The following STAT6 variants were observed in gnomAD, a reference collection of about 807,000 sequenced individuals.
STAT6 encodes the protein STAT, interleukin4-induced.
A neutral mutation model predicts 106.3 loss-of-function variants in STAT6; 45 were observed. The observed-to-expected ratio is 0.42, with a 90% CI of 0.33 to 0.54. The LOEUF (loss-of-function observed/expected upper bound fraction) is 0.54. Ranked by LOEUF, STAT6 falls within the 20% of genes least tolerant of loss-of-function variation. The pLI is 0.06. For missense variants in STAT6, 797 were observed against 1,062.2 expected (o/e 0.75, Z 3.47); for synonymous variants, 413 against 413.6 (o/e 1.00, Z 0.02).
At chr12:57,108,388 C>A in intron 1 of STAT6, 89 bp from the exon 2 acceptor site, 1 of 699,924 alleles carries the variant, frequency 1.4e-6, no homozygotes, top group Non-Finnish European at 2.5e-6. Flanking sequence ...ATAGATAGCC[C>A]TCCTAGGGAC....
intron 1 of STAT6, among the ~76,000 whole-genome samples, chr12:57,109,567 G>C (rs1403572260): frequency 6.6e-6 from 1 of 152,112 alleles, no homozygotes; most frequent in Non-Finnish European, 1.5e-5. Context: ...GAGGAGACTT[G>C]AAGGAGGAGA....
rs2033688771 is a variant in STAT6, at chr12:57,099,671, C to G, written c.1744+96G>C. 3 of 1,531,182 alleles carry G rather than the reference C, an allele frequency of 2.0e-6. No homozygotes were observed. In the South Asian group the frequency reaches 3.6e-5, roughly 18 times the overall value. 94.8% of individuals were successfully genotyped at this position (1,531,182 alleles called of 1,614,324 possible). On this transcript the variant is annotated intron_variant, in intron 15 of 21. Coordinates refer to ENST00000300134, the MANE Select transcript of STAT6 (RefSeq NM_003153.5). This position sits in a 1 kb window ranked among gnomAD's most constrained non-coding sequence, Gnocchi z 4.7. ...GAAGCTGGAAGAACTTCCTGAAGAT[C>G]AGGATCGGCATCAGGAAGGTCAGGA...
chr12:57,099,776 C>G lies in STAT6; in HGVS notation c.1735G>C (p.Gly579Arg). The change falls in exon 15 of 22, where the codon GGC becomes CGC. Residue 579 changes from glycine to arginine, a missense_variant. This residue lies in a region of STAT6 where 222 missense variants were observed against 354.6 expected (regional missense o/e 0.63). Transcript: ENST00000300134. The surrounding 1 kb of genome is among the most constrained non-coding windows in gnomAD (Gnocchi z 4.7). ...GCTGGGGTGGCCTCACCATCCTGGC[C>G]CCGGATGACATGGGCAATGGTGATG... Reference protein sequence around the residue: ...GGITIAHVIRGQDGSPQIENI... With the variant: ...GGITIAHVIRRQDGSPQIENI... 6.2e-7 allele frequency: 1 copy of G among 1,613,666 alleles called. No individual in the cohort carries two copies. Among genetic ancestry groups the G allele is most frequent in the Non-Finnish European group, 8.5e-7 (1 of 1,179,854 alleles).
At chr12:57,097,270 A>G (rs868525543) in intron 19 of STAT6, 137 bp from the exon 20 acceptor site, 2 of 620,546 alleles carry the variant, frequency 3.2e-6, no homozygotes, top group South Asian at 3.7e-5. Context: ...AGCTATTTCT[A>G]TGCTCTGAGC....
intron 9 of STAT6, 86 bp downstream of exon 9, chr12:57,105,065 C>A (rs1328337310): frequency 1.4e-6 from 2 of 1,480,104 alleles, no homozygotes; most frequent in African/African-American, 2.8e-5. Context: ...CCCTCCCCAT[C>A]CCTTGCTCTT....
intron 1 of STAT6, chr12:57,109,981 CCTT>C (rs2034487971): frequency 6.6e-6 from 1 of 152,302 alleles, no homozygotes; most frequent in Non-Finnish European, 1.5e-5. Flanking sequence ...TGGAGAGGTC[CCTT>C]CTCTGGACGT....
Position 57,107,591 on chromosome 12 carries a change from C to T in STAT6, c.255+14G>A. On this transcript the variant is annotated intron_variant, in intron 3 of 21. Transcript: ENST00000300134. ...CAGCCCCACCCAGCCTTGTCCCCTC[C>T]CCTCCTGCCCCACCTCAAGGGTGCT... 6.2e-7 allele frequency: 1 copy of T among 1,612,994 alleles called. No individual in the cohort carries two copies. Among genetic ancestry groups the T allele is most frequent in the Non-Finnish European group, 8.5e-7 (1 of 1,179,248 alleles).
At position 57,096,894 on chromosome 12, in the gene STAT6, G is replaced by A. The variant is rs1425330424; in HGVS notation, c.2310C>T (p.Asp770=). The change falls in exon 21 of 22, where the codon GAC becomes GAT. Residue 770 remains aspartate, a synonymous_variant. Coordinates refer to ENST00000300134, the MANE Select transcript of STAT6 (RefSeq NM_003153.5). ...CTGTCACTGGCTGGCTCAGGCAGCT[G>A]TCTTCCACCATGGTCACATCTGAGC... The part of the protein sequence containing the change: ...LLCSDVTMVE[D]SCLSQPVTAF... 2 of 1,614,198 alleles carry A rather than the reference G, an allele frequency of 1.2e-6. No homozygotes were observed. The highest frequency in any genetic ancestry group is 8.5e-7 in the Non-Finnish European group (1 of 1,180,046).
In STAT6 at chr12:57,096,537, A is replaced by C; in HGVS notation, c.*35T>G. On this transcript the variant is annotated 3_prime_UTR_variant, in exon 22 of 22. Coordinates refer to ENST00000300134, the MANE Select transcript of STAT6 (RefSeq NM_003153.5). ...AGAGCAGGTCTGTGGGGGTAGTAGAAGAGCTGTCTCTTTGGGTTCTCCCTC... is the reference window on the plus strand; with the variant it reads ...AGAGCAGGTCTGTGGGGGTAGTAGACGAGCTGTCTCTTTGGGTTCTCCCTC... 2.8e-5 allele frequency: 43 copies of C among 1,535,974 alleles called. No individual in the cohort carries two copies. Among genetic ancestry groups the C allele is most frequent in the Non-Finnish European group, 3.4e-5 (39 of 1,141,608 alleles).
chr12:57,105,407 A>G (rs2034206295), intron 8 of STAT6, 61 bp downstream of exon 8: 1 of 1,609,406 alleles, frequency 6.2e-7, no homozygotes, highest in South Asian at 1.1e-5. Flanking sequence ...CCACAGCTCT[A>G]GCCCCCTTCT....
Position 57,111,284 on chromosome 12 carries a change from A to G in STAT6, c.-177T>C, listed in dbSNP as rs919708592. On this transcript the variant is annotated 5_prime_UTR_variant, in exon 1 of 22. The change abolishes an upstream ATG in the 5' untranslated region. Transcript: ENST00000300134. Reference sequence around the variant, plus strand: ...AAGAAAAATAAGATAAAGCACACACATACATACACACACACACACACACAC... The same window carrying G: ...AAGAAAAATAAGATAAAGCACACACGTACATACACACACACACACACACAC... The G allele has an allele frequency of 8.1e-6, 1 of 122,990 alleles. No individual in the cohort carries two copies. The highest frequency in any genetic ancestry group is 1.8e-5 in the Non-Finnish European group (1 of 54,818). The allele number at this position is 122,990 out of a possible 1,614,324, so 7.6% of individuals were successfully genotyped here.
At chr12:57,106,109 T>C in intron 7 of STAT6, 82 bp downstream of exon 7, 1 of 1,583,696 alleles carries the variant, frequency 6.3e-7, no homozygotes. Flanking sequence ...GCCTGGCTTC[T>C]TTCTCTCACC....
Position 57,099,741 on chromosome 12 carries a change from C to T in STAT6, c.1744+26G>A, listed in dbSNP as rs2033693817. The T allele has an allele frequency of 3.1e-6, 5 of 1,613,572 alleles. No homozygotes were observed. The highest frequency in any genetic ancestry group is 3.4e-6 in the Non-Finnish European group (4 of 1,179,872). On this transcript the variant is annotated intron_variant, in intron 15 of 21. Coordinates refer to ENST00000300134, the MANE Select transcript of STAT6 (RefSeq NM_003153.5). This position sits in a 1 kb window ranked among gnomAD's most constrained non-coding sequence, Gnocchi z 4.7. ...ACCCCAGAGGGCACAGGCACAGAGA[C>T]AGAGGACTGGCTGGGGTGGCCTCAC...
chr12:57,105,772 G>C (rs1240338888), intron 7 of STAT6, 173 bp from the exon 8 acceptor site: 2 of 1,138,436 alleles, frequency 1.8e-6, no homozygotes, highest in Non-Finnish European at 1.2e-6. Context: ...TGTTGGCCTA[G>C]GGTCTGGGTG....
Position 57,106,806 on chromosome 12 carries a change from T to C in STAT6, c.365A>G (p.His122Arg). The C allele has an allele frequency of 6.2e-7, 1 of 1,613,976 alleles. No individual in the cohort carries two copies. Among genetic ancestry groups the C allele is most frequent in the African/African-American group, 1.3e-5 (1 of 74,996 alleles). ...EQFRHLPMPF[H>R]WKQEELKFKT... ...AAACTTGAGTTCTTCCTGCTTCCAG[T>C]GGAAAGGCATTGGCAAGTGGCGGAA... is the stretch of plus-strand genomic sequence containing the variant. The change falls in exon 5 of 22, where the codon CAC becomes CGC. Residue 122 changes from histidine (H) to arginine (R), a missense_variant. His to Arg is a conservative substitution (Grantham distance 29). This residue lies in a region of STAT6 where 336 missense variants were observed against 429.8 expected (regional missense o/e 0.78). Coordinates refer to ENST00000300134, the MANE Select transcript of STAT6 (RefSeq NM_003153.5).
chr12:57,100,700 GAGAAAGAAAGAAAGAAAGAAAGAA>G (rs56962899), intron 13 of STAT6: 1,804 of 64,448 alleles, frequency 0.028, 75 homozygotes, highest in South Asian at 0.063. Context: ...AAGAAAGAAA[GAGAAAGAAAGAAAGAAAGAAAGAA>G]AGAAAGAAAG....
At chr12:57,106,941 T>C (rs1156976596) in intron 4 of STAT6, 110 bp from the exon 5 acceptor site, 3 of 1,514,296 alleles carry the variant, frequency 2.0e-6, no homozygotes, top group African/African-American at 1.4e-5. Flanking sequence ...CTCTCCCCTT[T>C]GGCAGTTCTT....
chr12:57,103,654 G>A (rs1474276651), intron 11 of STAT6: 1 of 152,036 alleles, frequency 6.6e-6, no homozygotes. Flanking sequence ...TGCAACCTCC[G>A]CCTCCTGGGT....
intron 6 of STAT6, 31 bp downstream of exon 6, chr12:57,106,497 C>A: frequency 6.2e-7 from 1 of 1,613,136 alleles, no homozygotes; most frequent in African/African-American, 1.3e-5. Flanking sequence ...GCACTTTGAC[C>A]AAGGTCTCCA....
Sources: gnomAD v4.1 joint callset for allele counts (sites outside exome capture counted in the v4.1 genomes callset) on GRCh38, gnomAD v4.1.1 for gene constraint, gnomAD v4.1.1 regional missense constraint, Gnocchi (gnomAD v3.1) non-coding constraint, MANE v1.5 for transcripts, NCBI Gene and HGNC (gene_info 2026-07-23, HGNC 2026-07-21) for gene names.